The following LRRTM3 variants were observed in gnomAD, a reference collection of about 807,000 sequenced individuals.
The protein encoded by LRRTM3 is leucine rich repeat transmembrane neuronal 3.
LRRTM3 carries 24 observed loss-of-function variants against 44.7 expected under a neutral mutation model. That is an observed-to-expected ratio of 0.54 (90% confidence interval 0.39 to 0.76). The LOEUF (loss-of-function observed/expected upper bound fraction) is 0.76. LRRTM3 is among the 30% of genes least tolerant of loss of function. The probability of loss-of-function intolerance (pLI) is 0.00; values close to 1 mark genes in which losing one functional copy is unlikely to be tolerated. For synonymous variants in LRRTM3, 277 were observed against 278.7 expected (o/e 0.99, Z 0.06); for missense variants, 587 against 702.2 (o/e 0.84, Z 1.85).
chr10:67,053,404 G>A (rs1285131189), intron 2 of LRRTM3, among the ~76,000 whole-genome samples: 3 of 151,982 alleles, frequency 2.0e-5, no homozygotes, highest in African/African-American at 4.8e-5. Context: ...CTTATTTTCT[G>A]GCAGACTTGA....
rs1236360535 is a variant in LRRTM3, at chr10:66,927,795, T to C, written c.879T>C (p.Ile293=). ...TGGATTCCAACAAGCTCACATTTATTGGTCAAGAGATTTTGGATTCTTGGA... is the reference window on the plus strand; with the variant it reads ...TGGATTCCAACAAGCTCACATTTATCGGTCAAGAGATTTTGGATTCTTGGA... ...LNLDSNKLTF[I]GQEILDSWIS... The change falls in exon 2 of 3, where the codon ATT becomes ATC. Residue 293 remains isoleucine (I), a synonymous_variant. Coordinates refer to ENST00000361320, the MANE Select transcript of LRRTM3 (RefSeq NM_178011.5). The surrounding 1 kb of genome is among the most constrained non-coding windows in gnomAD (Gnocchi z 4.7). 6.2e-7 allele frequency: 1 copy of C among 1,614,110 alleles called. No individual in the cohort carries two copies. Among genetic ancestry groups the C allele is most frequent in the Non-Finnish European group, 8.5e-7 (1 of 1,180,046 alleles).
intron 2 of LRRTM3, among the ~76,000 whole-genome samples, chr10:67,044,561 A>G (rs1854609376): frequency 6.6e-6 from 1 of 152,188 alleles, no homozygotes; most frequent in Non-Finnish European, 1.5e-5. Context: ...AGTGCTCATT[A>G]TAAGAAGTGA....
At chr10:67,005,703 T>TTTTTTTTTTTTTTTTTTG (rs1417141930) in intron 2 of LRRTM3, among the ~76,000 whole-genome samples, 1 of 136,146 alleles carries the variant, frequency 7.3e-6, no homozygotes. Context: ...TTTTTTTTTT[T>TTTTTTTTTTTTTTTTTTG]GAGACGGAGT....
intron 2 of LRRTM3, among the ~76,000 whole-genome samples, chr10:67,019,481 G>T (rs1377983733): frequency 6.6e-6 from 1 of 152,170 alleles, no homozygotes; most frequent in Admixed American, 6.5e-5. Flanking sequence ...GCCTCCCAAA[G>T]TGCTAGGATT....
At chr10:66,956,381 T>C (rs1243885469) in intron 2 of LRRTM3, among the ~76,000 whole-genome samples, 1 of 152,170 alleles carries the variant, frequency 6.6e-6, no homozygotes, top group South Asian at 2.1e-4. Flanking sequence ...GAGTAGGCAT[T>C]GCTTGCTATC....
At chr10:66,963,468 G>A (rs1213915327) in intron 2 of LRRTM3, among the ~76,000 whole-genome samples, 4 of 152,194 alleles carry the variant, frequency 2.6e-5, no homozygotes, top group South Asian at 2.1e-4. Flanking sequence ...TCTTGACAAC[G>A]ATTACTTTCC....
Position 67,034,934 on chromosome 10 carries a change from C to A in LRRTM3, c.1537-62653C>A, listed in dbSNP as rs1853951917. Among the ~76,000 whole-genome samples, 3 of 152,320 alleles carry A rather than the reference C, an allele frequency of 2.0e-5. No homozygotes were observed. The South Asian group carries it at 6.2e-4, about 32-fold the overall frequency. On this transcript the variant is annotated intron_variant, in intron 2 of 2. Coordinates refer to ENST00000361320, the MANE Select transcript of LRRTM3 (RefSeq NM_178011.5). ...TGGCAATGCTATTTCTTCTGGCCTT[C>A]TTACTGCCTGAAATATGCCCACCTA...
intron 2 of LRRTM3, among the ~76,000 whole-genome samples, chr10:67,060,886 T>A (rs999847522): frequency 2.6e-5 from 4 of 152,322 alleles, no homozygotes; most frequent in African/African-American, 9.6e-5. Flanking sequence ...CTAGTTTTTT[T>A]AAATTGTTTT....
intron 2 of LRRTM3, among the ~76,000 whole-genome samples, chr10:67,023,844 A>G (rs1853183573): frequency 1.3e-5 from 2 of 152,226 alleles, no homozygotes. Context: ...CAATTTTGCT[A>G]CAGATTATGT....
chr10:67,059,813 T>C (rs773400227), intron 2 of LRRTM3, among the ~76,000 whole-genome samples: 1 of 152,206 alleles, frequency 6.6e-6, no homozygotes, highest in Non-Finnish European at 1.5e-5. Flanking sequence ...TTATTTATAC[T>C]AATGTATATT....
At chr10:67,084,643 G>A (rs938423126) in intron 2 of LRRTM3, among the ~76,000 whole-genome samples, 1 of 151,496 alleles carries the variant, frequency 6.6e-6, no homozygotes, top group Non-Finnish European at 1.5e-5. Context: ...TTACTACTTG[G>A]GTAACAGATA....
chr10:66,978,783 T>C (rs1291567567), intron 2 of LRRTM3, among the ~76,000 whole-genome samples: 1 of 150,086 alleles, frequency 6.7e-6, no homozygotes, highest in African/African-American at 2.4e-5. Context: ...AAAAGTAGCA[T>C]GAAAGCAAGG....
chr10:67,070,489 C>T lies in LRRTM3; in HGVS notation c.1537-27098C>T, dbSNP rs565334607. On this transcript the variant is annotated intron_variant, in intron 2 of 2. Transcript: ENST00000361320. ...TGTGGCGGGGAGCAGTGTCTCGTGC[C>T]TGTAATCTCAGCACTTTGGGAGGCC... Among the ~76,000 whole-genome samples, 7 of 152,238 alleles carry T rather than the reference C, an allele frequency of 4.6e-5. No individual in the cohort carries two copies. In the South Asian group the frequency reaches 1.5e-3, roughly 32 times the overall value.
chr10:66,964,727 G>T (rs2132791304), intron 2 of LRRTM3, among the ~76,000 whole-genome samples: 1 of 152,204 alleles, frequency 6.6e-6, no homozygotes, highest in East Asian at 1.9e-4. Flanking sequence ...AGAATTTCAT[G>T]ATCCCTCCCT....
chr10:66,932,824 A>G (rs1847482884), intron 2 of LRRTM3, among the ~76,000 whole-genome samples: 1 of 152,212 alleles, frequency 6.6e-6, no homozygotes, highest in Non-Finnish European at 1.5e-5. Context: ...AATACTACCA[A>G]TAAAATCTAA....
chr10:67,022,781 C>CA (rs1482438710), intron 2 of LRRTM3, among the ~76,000 whole-genome samples: 5 of 151,760 alleles, frequency 3.3e-5, no homozygotes, highest in South Asian at 2.1e-4. Flanking sequence ...GCTAAAAATA[C>CA]AAAAAAATTA....
chr10:66,927,404 A>T lies in LRRTM3; in HGVS notation c.488A>T (p.His163Leu). The T allele has an allele frequency of 6.2e-7, 1 of 1,614,144 alleles. No homozygotes were observed. The highest frequency in any genetic ancestry group is 8.5e-7 in the Non-Finnish European group (1 of 1,180,028). Residue 163 changes from histidine to leucine, a missense_variant, in exon 2 of 3, where the codon CAT (histidine) becomes CTT (leucine). By Grantham distance (99) the His-to-Leu change is moderately conservative. Transcript: ENST00000361320. The surrounding 1 kb of genome is among the most constrained non-coding windows in gnomAD (Gnocchi z 4.7). ...GGCTTGCGGAAGCTGCTGAGTTTAC[A>T]TTTACGGTCTAACTCCCTGAGAACC... Reference protein sequence around the residue: ...FRGLRKLLSLHLRSNSLRTIP... With the variant: ...FRGLRKLLSLLLRSNSLRTIP...
chr10:66,937,329 T>C (rs1460821330), intron 2 of LRRTM3, among the ~76,000 whole-genome samples: 1 of 152,034 alleles, frequency 6.6e-6, no homozygotes, highest in African/African-American at 2.4e-5. Flanking sequence ...TTGTTAAATA[T>C]TTTTCCTGGT....
At chr10:67,079,926 C>T (rs1252080359) in intron 2 of LRRTM3, among the ~76,000 whole-genome samples, 1 of 151,252 alleles carries the variant, frequency 6.6e-6, no homozygotes, top group Non-Finnish European at 1.5e-5. Context: ...GTCACTAACA[C>T]ACAGCAGCAT....
Sources: allele counts gnomAD v4.1 joint callset (sites outside exome capture counted in the v4.1 genomes callset), GRCh38; gene constraint gnomAD v4.1.1; non-coding constraint Gnocchi (gnomAD v3.1); transcripts MANE v1.5; gene names NCBI Gene and HGNC (gene_info 2026-07-23, HGNC 2026-07-21).